PXK: variants seen among roughly 807,000 people sequenced by gnomAD.
PXK encodes the protein PX domain containing serine/threonine kinase like.
A neutral mutation model predicts 84.7 loss-of-function variants in PXK; 35 were observed. The ratio of observed to expected loss-of-function variants is 0.41; its 90% CI spans 0.32 to 0.55. The LOEUF (loss-of-function observed/expected upper bound fraction) is 0.55, where lower values mean the gene tolerates loss of function less well. PXK is among the 20% of genes least tolerant of loss of function. The pLI is 0.21. For synonymous variants in PXK, 253 were observed against 260.8 expected, an observed-to-expected ratio of 0.97 and a Z score of 0.29; for missense variants, 634 against 699.7, an observed-to-expected ratio of 0.91 and a Z score of 1.06.
chr3:58,387,761 AGAGG>A (rs1279984055), intron 4 of PXK, among the ~76,000 whole-genome samples: 4 of 152,160 alleles, frequency 2.6e-5, no homozygotes, highest in African/African-American at 9.7e-5. Flanking sequence ...ATCGCATAAG[AGAGG>A]GACACACAGA....
chr3:58,363,545 C>T (rs1273150584), intron 1 of PXK, among the ~76,000 whole-genome samples: 1 of 152,106 alleles, frequency 6.6e-6, no homozygotes, highest in African/African-American at 2.4e-5. Context: ...TAGTCTTAAA[C>T]TCCTGGACTC....
At chr3:58,350,060 T>C (rs2107996249) in intron 1 of PXK, among the ~76,000 whole-genome samples, 1 of 152,318 alleles carries the variant, frequency 6.6e-6, no homozygotes, top group African/African-American at 2.4e-5. Context: ...CAAAACAGCT[T>C]TGTGGAGGAC....
chr3:58,342,634 C>CAAAAAAAAAAAAAAAAAAAAAAAAAA (rs71091369), intron 1 of PXK, among the ~76,000 whole-genome samples: 1 of 113,476 alleles, frequency 8.8e-6, no homozygotes, highest in Non-Finnish European at 1.8e-5. Flanking sequence ...GACTCTGTCT[C>CAAAAAAAAAAAAAAAAAAAAAAAAAA]AAAAAAAAAA....
intron 13 of PXK, among the ~76,000 whole-genome samples, chr3:58,405,559 A>T (rs1282843209): frequency 6.6e-6 from 1 of 152,002 alleles, no homozygotes; most frequent in Non-Finnish European, 1.5e-5. Flanking sequence ...GGTGCCTGTA[A>T]TCCCAGCTAC....
chr3:58,358,190 A>G (rs1024446593), intron 1 of PXK, among the ~76,000 whole-genome samples: 9 of 152,194 alleles, frequency 5.9e-5, no homozygotes. Flanking sequence ...TCATTTTGAT[A>G]TATGCATTAT....
intron 1 of PXK, among the ~76,000 whole-genome samples, chr3:58,345,376 C>T (rs73835189): frequency 6.6e-6 from 1 of 152,100 alleles, no homozygotes; most frequent in Non-Finnish European, 1.5e-5. Context: ...TTATTTAGAT[C>T]AGTATATTAC....
In PXK at chr3:58,411,542, A is replaced by G. The variant is rs2060206396; in HGVS notation, c.1466-1359A>G. On this transcript the variant is annotated intron_variant, in intron 16 of 17. Coordinates refer to ENST00000356151, the MANE Select transcript of PXK (RefSeq NM_017771.5). This position sits in a 1 kb window ranked among gnomAD's most constrained non-coding sequence, Gnocchi z 4.2. ...GGTCATTATTATACTGAGACTCATG[A>G]TTCCAACCAGCAGTCATTCTGTCCA... 6.6e-6 allele frequency among the ~76,000 whole-genome samples: 1 copy of G among 152,112 alleles called. No homozygotes were observed. The highest frequency in any genetic ancestry group is 2.4e-5 in the African/African-American group (1 of 41,420).
intron 3 of PXK, among the ~76,000 whole-genome samples, chr3:58,376,065 G>T (rs2098439529): frequency 6.6e-6 from 1 of 152,136 alleles, no homozygotes; most frequent in Non-Finnish European, 1.5e-5. Flanking sequence ...GTCTTTAGAA[G>T]TTTGCTGATG....
intron 1 of PXK, among the ~76,000 whole-genome samples, chr3:58,351,263 G>A (rs958777919): frequency 1.3e-5 from 2 of 152,120 alleles, no homozygotes; most frequent in African/African-American, 4.8e-5. Context: ...CTGGAGTGCA[G>A]TGGTGCAATC....
At position 58,397,742 on chromosome 3, in the gene PXK, G is replaced by T; in HGVS notation, c.1102+20G>T. The stretch of plus-strand genomic sequence containing the variant: ...CTGTGGGTCAGTATGGGGTTGGGAA[G>T]GGTCTTCTGGGCCCTAGTAGTGTGC... On this transcript the variant is annotated intron_variant, in intron 11 of 17. Coordinates refer to ENST00000356151, the MANE Select transcript of PXK (RefSeq NM_017771.5). This position sits in a 1 kb window ranked among gnomAD's most constrained non-coding sequence, Gnocchi z 4.7. 1 of 1,576,300 alleles carries T rather than the reference G, an allele frequency of 6.3e-7. No homozygotes were observed. The highest frequency in any genetic ancestry group is 1.1e-5 in the South Asian group (1 of 90,244).
intron 1 of PXK, among the ~76,000 whole-genome samples, chr3:58,338,825 G>A (rs1039380800): frequency 4.0e-5 from 6 of 151,554 alleles, no homozygotes; most frequent in African/African-American, 1.5e-4. Context: ...TGGGATTACA[G>A]ACGCCCACCA....
intron 13 of PXK, among the ~76,000 whole-genome samples, chr3:58,405,034 T>C (rs1167801273): frequency 6.6e-6 from 1 of 152,216 alleles, no homozygotes; most frequent in Non-Finnish European, 1.5e-5. Context: ...GTCTGGCCTT[T>C]AGGATTCAGG....
At chr3:58,394,479 A>T (rs1222665918) in intron 7 of PXK, among the ~76,000 whole-genome samples, 1 of 152,228 alleles carries the variant, frequency 6.6e-6, no homozygotes, top group Non-Finnish European at 1.5e-5. Context: ...ATTCCAGAAG[A>T]TGCTACTTTT....
rs2058587904 is a variant in PXK, at chr3:58,401,674, C to A, written c.1182-2188C>A. On this transcript the variant is annotated intron_variant, in intron 12 of 17. Coordinates refer to ENST00000356151, the MANE Select transcript of PXK (RefSeq NM_017771.5). The surrounding 1 kb of genome is among the most constrained non-coding windows in gnomAD (Gnocchi z 4.4). ...AGGCGTGGTGGCTCATGCCTGTAAT[C>A]CCAGCACTTTAGGAGGCCAAGGCAG... Among the ~76,000 whole-genome samples the A allele has an allele frequency of 6.6e-6, 1 of 151,386 alleles. No homozygotes were observed. The highest frequency in any genetic ancestry group is 1.5e-5 in the Non-Finnish European group (1 of 67,902).
intron 1 of PXK, among the ~76,000 whole-genome samples, chr3:58,358,209 A>G (rs926705480): frequency 1.1e-4 from 16 of 152,234 alleles, no homozygotes; most frequent in East Asian, 1.9e-4. Context: ...ATTATTGACT[A>G]CAATCACCAT....
Position 58,412,922 on chromosome 3 carries a change from C to T in PXK, c.1487C>T (p.Pro496Leu). The change falls in exon 17 of 18, where the codon CCT (proline) becomes CTT (leucine). Residue 496 changes from proline to leucine, a missense_variant. Transcript: ENST00000356151. This position sits in a 1 kb window ranked among gnomAD's most constrained non-coding sequence, Gnocchi z 6.2. ...TTAGCAGGATCTGGGGCCAGCTCAC[C>T]TCTCACGTCCCCGTCATCGCCAACT... ...NNSAGSGASS[P>L]LTSPSSPTPP... 1 of 1,614,184 alleles carries T rather than the reference C, an allele frequency of 6.2e-7. No individual in the cohort carries two copies.
intron 12 of PXK, among the ~76,000 whole-genome samples, chr3:58,403,017 T>A (rs2058839655): frequency 6.6e-6 from 1 of 151,670 alleles, no homozygotes; most frequent in Non-Finnish European, 1.5e-5. Context: ...CCTTTTTTTT[T>A]TTTTTAAGAT....
At chr3:58,408,772 T>G in intron 13 of PXK, 152 bp from the exon 14 acceptor site, 1 of 621,360 alleles carries the variant, frequency 1.6e-6, no homozygotes, top group Admixed American at 2.9e-5. Flanking sequence ...TCCGCCCGCC[T>G]TGGCCTCTCA....
intron 1 of PXK, among the ~76,000 whole-genome samples, chr3:58,355,841 C>T (rs4613423): frequency 0.24 from 36,141 of 152,052 alleles, 4,471 homozygotes; most frequent in African/African-American, 0.3. Context: ...AGAGCCTGGC[C>T]TCAGGACTTC....
Sources: allele counts gnomAD v4.1 joint callset (sites outside exome capture counted in the v4.1 genomes callset), GRCh38; gene constraint gnomAD v4.1.1; non-coding constraint Gnocchi (gnomAD v3.1); transcripts MANE v1.5; gene names NCBI Gene and HGNC (gene_info 2026-07-23, HGNC 2026-07-21).